The following PPIG variants were observed in gnomAD, a reference collection of about 807,000 sequenced individuals.
PPIG encodes peptidylprolyl isomerase G.
Under a neutral mutation model 87.9 loss-of-function variants are expected in PPIG, and 26 were observed. The ratio of observed to expected loss-of-function variants is 0.30; its 90% CI spans 0.22 to 0.41. PPIG has a LOEUF of 0.41. Among genes scored for constraint, PPIG ranks in the 10% least tolerant of loss-of-function variants. The pLI is 1.00. For synonymous variants in PPIG, 308 were observed against 276.5 expected (o/e 1.11, Z -1.13); for missense variants, 722 against 879.4 (o/e 0.82, Z 2.26).
At chr2:169,604,505 C>G (rs1054069395) in intron 4 of PPIG, among the ~76,000 whole-genome samples, 1 of 151,866 alleles carries the variant, frequency 6.6e-6, no homozygotes, top group East Asian at 1.9e-4. Flanking sequence ...TTTTAGATTT[C>G]TCCATGCATA....
intron 9 of PPIG, among the ~76,000 whole-genome samples, chr2:169,627,475 A>G (rs1386255945): frequency 6.6e-6 from 1 of 152,200 alleles, no homozygotes; most frequent in African/African-American, 2.4e-5. Flanking sequence ...ATTGTTTATG[A>G]AATGTATTTA....
chr2:169,615,993 C>T (rs753695712), intron 9 of PPIG, among the ~76,000 whole-genome samples: 14 of 152,176 alleles, frequency 9.2e-5, no homozygotes, highest in Non-Finnish European at 1.6e-4. Context: ...GCTATCCCTC[C>T]CCTAGACCCC....
At chr2:169,623,343 C>A (rs960581129) in intron 9 of PPIG, among the ~76,000 whole-genome samples, 1 of 152,098 alleles carries the variant, frequency 6.6e-6, no homozygotes. Flanking sequence ...CCATTTATGC[C>A]GGAGGTTGCA....
In PPIG at chr2:169,637,226, A is replaced by G. The variant is rs1686205020; in HGVS notation, c.1968A>G (p.Glu656=). 1 of 1,613,390 alleles carries G rather than the reference A, an allele frequency of 6.2e-7. No individual in the cohort carries two copies. Residue 656 remains glutamate, a synonymous_variant, in exon 14 of 14, where the codon GAA becomes GAG. Transcript: ENST00000260970. ...NQESKSSHRK[E]NSESEKRMYS... ...AGAGTAAGAGCTCACACAGAAAAGA[A>G]AATTCTGAGAGTGAGAAAAGAATGT...
Position 169,604,923 on chromosome 2 carries a change from C to T in PPIG, c.136+662C>T, listed in dbSNP as rs995223349. On this transcript the variant is annotated intron_variant, in intron 4 of 13. Transcript: ENST00000260970. ...TATGGCTGGGCACGGTGTGGCTGGG[C>T]ATGGTGGCTCACACCTGTAATCCCA... Among the ~76,000 whole-genome samples, 12 of 151,154 alleles carry T rather than the reference C, an allele frequency of 7.9e-5. 1 individual carries two copies. The South Asian group carries it at 2.5e-3, about 32-fold the overall frequency.
chr2:169,590,737 TAAAAG>T (rs1178611218), intron 1 of PPIG, among the ~76,000 whole-genome samples: 4 of 152,148 alleles, frequency 2.6e-5, no homozygotes, highest in Admixed American at 2.0e-4. Context: ...ATTTGCATCT[TAAAAG>T]GACACACGGG....
intron 1 of PPIG, among the ~76,000 whole-genome samples, chr2:169,593,437 C>G (rs1187102075): frequency 6.6e-6 from 1 of 151,964 alleles, no homozygotes; most frequent in Non-Finnish European, 1.5e-5. Context: ...CTCAGGTGAT[C>G]TACCCGCCTT....
intron 1 of PPIG, among the ~76,000 whole-genome samples, chr2:169,588,103 T>C (rs1684756768): frequency 6.6e-6 from 1 of 152,062 alleles, no homozygotes; most frequent in African/African-American, 2.4e-5. Flanking sequence ...AGGTGGAGGT[T>C]GCAGTGATCC....
intron 7 of PPIG, among the ~76,000 whole-genome samples, chr2:169,610,076 A>G (rs1016362083): frequency 1.3e-5 from 2 of 152,198 alleles, no homozygotes; most frequent in Non-Finnish European, 2.9e-5. Context: ...TTATGGGTAT[A>G]GGTTTGTTCT....
At chr2:169,622,167 T>TC (rs1260247768) in intron 9 of PPIG, among the ~76,000 whole-genome samples, 1 of 152,142 alleles carries the variant, frequency 6.6e-6, no homozygotes, top group African/African-American at 2.4e-5. Flanking sequence ...ACGCCTGTAA[T>TC]CCCAACACCT....
chr2:169,632,118 A>G (rs1258744830), intron 11 of PPIG, among the ~76,000 whole-genome samples, 185 bp downstream of exon 11: 1 of 152,234 alleles, frequency 6.6e-6, no homozygotes, highest in Admixed American at 6.5e-5. Flanking sequence ...ATTGACTTAA[A>G]TTACAAGTAG....
chr2:169,588,829 G>T (rs892998356), intron 1 of PPIG, among the ~76,000 whole-genome samples: 1 of 151,632 alleles, frequency 6.6e-6, no homozygotes, highest in Admixed American at 6.6e-5. Flanking sequence ...GCATGGTGGC[G>T]CATGCCTGTA....
At chr2:169,596,836 G>C (rs1685030989) in intron 1 of PPIG, among the ~76,000 whole-genome samples, 1 of 152,102 alleles carries the variant, frequency 6.6e-6, no homozygotes, top group Admixed American at 6.6e-5. Flanking sequence ...AGAGTAGCTG[G>C]GACTACAGGC....
intron 9 of PPIG, among the ~76,000 whole-genome samples, chr2:169,628,511 C>T (rs149977931): frequency 1.3e-5 from 2 of 152,200 alleles, no homozygotes; most frequent in African/African-American, 4.8e-5. Context: ...TTATCAGTTA[C>T]AAATTTCAAG....
intron 9 of PPIG, among the ~76,000 whole-genome samples, chr2:169,621,412 C>A (rs1364213519): frequency 3.9e-5 from 6 of 152,060 alleles, no homozygotes; most frequent in African/African-American, 1.2e-4. Flanking sequence ...TATGCTTCAG[C>A]TCATGGGATT....
intron 7 of PPIG, among the ~76,000 whole-genome samples, chr2:169,612,031 A>G (rs547271494): frequency 6.6e-5 from 10 of 152,310 alleles, no homozygotes; most frequent in African/African-American, 1.9e-4. Flanking sequence ...GCTAGAGTGC[A>G]GTGGCACAAT....
chr2:169,608,738 A>G lies in PPIG; in HGVS notation c.357A>G (p.Thr119=). ...LLSMANRGKD[T]NGSQFFITTK... ...CAATGGCCAACAGAGGGAAGGATACAAATGGTTCACAGTTCTTCATGTAAG... is the reference window on the plus strand; with the variant it reads ...CAATGGCCAACAGAGGGAAGGATACGAATGGTTCACAGTTCTTCATGTAAG... Residue 119 remains threonine (T), a synonymous_variant, in exon 7 of 14, where the codon ACA becomes ACG. Coordinates refer to ENST00000260970, the MANE Select transcript of PPIG (RefSeq NM_004792.3). 6.2e-7 allele frequency: 1 copy of G among 1,604,020 alleles called. No homozygotes were observed. The highest frequency in any genetic ancestry group is 8.5e-7 in the Non-Finnish European group (1 of 1,171,522).
At chr2:169,631,504 CAT>C (rs1686051053) in intron 10 of PPIG, 2 of 1,061,866 alleles carry the variant, frequency 1.9e-6, no homozygotes, top group Non-Finnish European at 1.2e-6. Context: ...GCATTGCTCA[CAT>C]AGTTTCATAT....
chr2:169,593,793 C>A (rs1189854300), intron 1 of PPIG, among the ~76,000 whole-genome samples: 1 of 149,718 alleles, frequency 6.7e-6, no homozygotes. Flanking sequence ...ACTACAGGCG[C>A]CCGCCACCAT....
Sources: allele counts gnomAD v4.1 joint callset (sites outside exome capture counted in the v4.1 genomes callset), GRCh38; gene constraint gnomAD v4.1.1; transcripts MANE v1.5; gene names NCBI Gene and HGNC (gene_info 2026-07-23, HGNC 2026-07-21).